Variants in FOXP4 observed in about 807,000 individuals in gnomAD.
FOXP4 encodes forkhead box P4.
FOXP4 carries 25 observed loss-of-function variants against 82.6 expected under a neutral mutation model. The ratio of observed to expected loss-of-function variants is 0.30; its 90% CI spans 0.22 to 0.42. FOXP4 has a LOEUF of 0.42. Among genes scored for constraint, FOXP4 ranks in the 10% least tolerant of loss-of-function variants. The pLI is 1.00. For synonymous variants in FOXP4, 415 were observed against 388.2 expected, an observed-to-expected ratio of 1.07 and a Z score of -0.81; for missense variants, 785 against 900.9, an observed-to-expected ratio of 0.87 and a Z score of 1.65.
intron 2 of FOXP4, chr6:41,570,297 C>T (rs955271554): frequency 4.2e-6 from 2 of 470,918 alleles, no homozygotes; most frequent in Non-Finnish European, 8.8e-6. Context: ...GAGTTGGGGC[C>T]CGCACTCTCC....
intron 14 of FOXP4, among the ~76,000 whole-genome samples, chr6:41,596,240 G>T (rs1468595414): frequency 6.6e-6 from 1 of 152,196 alleles, no homozygotes; most frequent in African/African-American, 2.4e-5. Context: ...CCTGGGACAG[G>T]GTCAGGACCT....
At chr6:41,566,786 T>G (rs1195161842) in intron 2 of FOXP4, among the ~76,000 whole-genome samples, 1 of 152,134 alleles carries the variant, frequency 6.6e-6, no homozygotes, top group Non-Finnish European at 1.5e-5. Context: ...TCACTGCTGG[T>G]GGTGCCGGCC....
chr6:41,595,153 AG>A, intron 14 of FOXP4, among the ~76,000 whole-genome samples, 162 bp downstream of exon 14: 1 of 152,348 alleles, frequency 6.6e-6, no homozygotes, highest in Non-Finnish European at 1.5e-5. Context: ...GCTTGGGGAC[AG>A]GGGGCTGGAA....
chr6:41,565,865 A>G lies in FOXP4; in HGVS notation c.105A>G (p.Thr35=), dbSNP rs1764849965. The change falls in exon 2 of 17, where the codon ACA becomes ACG. Residue 35 remains threonine, a synonymous_variant. Transcript: ENST00000307972. The part of the protein sequence containing the change: ...GQADGSSGGA[T]GTTASGTGRE... Reference sequence around the variant, plus strand: ...CCGATGGCAGCAGCGGCGGGGCCACAGGGACAACTGCAAGTGGCACGGGCA... The same window carrying G: ...CCGATGGCAGCAGCGGCGGGGCCACGGGGACAACTGCAAGTGGCACGGGCA... 5.0e-6 allele frequency: 8 copies of G among 1,613,836 alleles called. No homozygotes were observed. The highest frequency in any genetic ancestry group is 5.1e-6 in the Non-Finnish European group (6 of 1,180,038).
At position 41,593,651 on chromosome 6, in the gene FOXP4, C is replaced by T. The variant is rs1034297473; in HGVS notation, c.1537-1219C>T. On this transcript the variant is annotated intron_variant, in intron 13 of 16. Transcript: ENST00000307972. The surrounding 1 kb of genome is among the most constrained non-coding windows in gnomAD (Gnocchi z 4.1). Reference sequence around the variant, plus strand: ...CAAATTTATTCCGAGGCAGGAGCCCCGGCGTGATTAGGCCCTTTGTAATTA... The same window carrying T: ...CAAATTTATTCCGAGGCAGGAGCCCTGGCGTGATTAGGCCCTTTGTAATTA... Among the ~76,000 whole-genome samples, 1 of 152,202 alleles carries T rather than the reference C, an allele frequency of 6.6e-6. No homozygotes were observed. The highest frequency in any genetic ancestry group is 2.1e-4 in the South Asian group (1 of 4,832).
Position 41,593,555 on chromosome 6 carries a change from G to A in FOXP4, c.1537-1315G>A, listed in dbSNP as rs775454844. ...CTTCGAAATGAGGGAAAAAAGCCCC[G>A]GTGAGGCCATCCTCGGAAATTGGGG... is the stretch of plus-strand genomic sequence containing the variant. On this transcript the variant is annotated intron_variant, in intron 13 of 16. Coordinates refer to ENST00000307972, the MANE Select transcript of FOXP4 (RefSeq NM_001012426.2). The surrounding 1 kb of genome is among the most constrained non-coding windows in gnomAD (Gnocchi z 4.1). 3.7e-4 allele frequency among the ~76,000 whole-genome samples: 57 copies of A among 152,310 alleles called. No individual in the cohort carries two copies. The highest frequency in any genetic ancestry group is 5.7e-4 in the Non-Finnish European group (39 of 68,030).
At chr6:41,598,438 G>A (rs1197704165) in intron 16 of FOXP4, among the ~76,000 whole-genome samples, 11 of 151,914 alleles carry the variant, frequency 7.2e-5, no homozygotes, top group Non-Finnish European at 1.5e-4. Context: ...GGCTGGTCTC[G>A]ACCTCCTGAT....
Position 41,573,206 on chromosome 6 carries a change from G to A in FOXP4, c.205-4780G>A, listed in dbSNP as rs528781570. On this transcript the variant is annotated intron_variant, in intron 2 of 16. Coordinates refer to ENST00000307972, the MANE Select transcript of FOXP4 (RefSeq NM_001012426.2). ...GCTGAAAGGACTGGTAAATAGCCCC[G>A]CACCTGGCTTCCTGAGAGAGAATGA... is the stretch of plus-strand genomic sequence containing the variant. Among the ~76,000 whole-genome samples the A allele has an allele frequency of 1.3e-3, 202 of 152,074 alleles. 2 individuals are homozygous for A. The highest frequency in any genetic ancestry group is 1.3e-3 in the Non-Finnish European group (85 of 67,986).
chr6:41,552,229 C>T (rs1247570726), intron 1 of FOXP4, among the ~76,000 whole-genome samples: 1 of 152,172 alleles, frequency 6.6e-6, no homozygotes, highest in Non-Finnish European at 1.5e-5. Flanking sequence ...TGTACTTCCT[C>T]CTTTCCTTTG....
At chr6:41,575,615 A>AT (rs908487280) in intron 2 of FOXP4, among the ~76,000 whole-genome samples, 1 of 152,000 alleles carries the variant, frequency 6.6e-6, no homozygotes, top group Non-Finnish European at 1.5e-5. Context: ...AGGCCTTGCC[A>AT]TTTTTTTCCT....
intron 15 of FOXP4, 74 bp from the exon 16 acceptor site, chr6:41,597,707 G>A (rs987057192): frequency 3.0e-4 from 460 of 1,521,986 alleles, no homozygotes; most frequent in Non-Finnish European, 3.7e-4. Flanking sequence ...AGTGGGCGGG[G>A]AAGGCACAGC....
chr6:41,553,731 G>A (rs1163935304), intron 1 of FOXP4, among the ~76,000 whole-genome samples: 1 of 152,188 alleles, frequency 6.6e-6, no homozygotes, highest in African/African-American at 2.4e-5. Context: ...CCCTAGTTGG[G>A]GACAGAGGAG....
rs141023459 is a variant in FOXP4 at position 41,584,472 on chromosome 6, A to C, written c.301-297A>C. On this transcript the variant is annotated intron_variant, in intron 3 of 16. Coordinates refer to ENST00000307972, the MANE Select transcript of FOXP4 (RefSeq NM_001012426.2). ...ACAGCCCGTCCTATGATAATAGCCA[A>C]CCCTTATGTGCACTTGCTGTGTGCC... Among the ~76,000 whole-genome samples, 4 of 152,306 alleles carry C rather than the reference A, an allele frequency of 2.6e-5. No individual in the cohort carries two copies. In the East Asian group the frequency reaches 7.7e-4, roughly 29 times the overall value.
At chr6:41,563,796 C>A (rs1764724913) in intron 1 of FOXP4, among the ~76,000 whole-genome samples, 1 of 152,158 alleles carries the variant, frequency 6.6e-6, no homozygotes, top group African/African-American at 2.4e-5. Context: ...GTTCCACATC[C>A]GTGGATTCAA....
At chr6:41,590,759 C>T (rs1766467886) in intron 12 of FOXP4, among the ~76,000 whole-genome samples, 2 of 152,188 alleles carry the variant, frequency 1.3e-5, no homozygotes, top group South Asian at 4.1e-4. Context: ...CATATGTCCT[C>T]CCTGATACCC....
chr6:41,556,262 A>G (rs1034240788), intron 1 of FOXP4, among the ~76,000 whole-genome samples: 1 of 151,872 alleles, frequency 6.6e-6, no homozygotes, highest in African/African-American at 2.4e-5. Flanking sequence ...AATGAGCGCA[A>G]AATTGCATGG....
chr6:41,598,690 A>C (rs1581798284), intron 16 of FOXP4, 99 bp from the exon 17 acceptor site: 1 of 1,514,414 alleles, frequency 6.6e-7, no homozygotes, highest in South Asian at 1.2e-5. Context: ...GGCTGTGGGC[A>C]CCCCACTGTG....
chr6:41,562,812 C>T (rs1305228178), intron 1 of FOXP4, among the ~76,000 whole-genome samples: 1 of 152,186 alleles, frequency 6.6e-6, no homozygotes, highest in African/African-American at 2.4e-5. Context: ...GGCCCCCCTC[C>T]CTCCTGTCTC....
chr6:41,576,002 G>T (rs1054063876), intron 2 of FOXP4, among the ~76,000 whole-genome samples: 3 of 151,622 alleles, frequency 2.0e-5, no homozygotes, highest in African/African-American at 7.3e-5. Flanking sequence ...TAGAGGCAGG[G>T]GCTCCTTCCT....
Sources: gnomAD v4.1 joint callset for allele counts (sites outside exome capture counted in the v4.1 genomes callset) on GRCh38, gnomAD v4.1.1 for gene constraint, Gnocchi (gnomAD v3.1) non-coding constraint, MANE v1.5 for transcripts, NCBI Gene and HGNC (gene_info 2026-07-23, HGNC 2026-07-21) for gene names.